The following ZDHHC19 variants were observed in gnomAD, a reference collection of about 807,000 sequenced individuals.
The protein encoded by ZDHHC19 is zDHHC palmitoyltransferase 19, also known as palmitoyltransferase ZDHHC19.
Under a neutral mutation model 33.9 loss-of-function variants are expected in ZDHHC19, and 30 were observed. That is an observed-to-expected ratio of 0.88 (90% CI 0.66 to 1.20). ZDHHC19 has a LOEUF of 1.20. Ranked by LOEUF, ZDHHC19 falls within the 50% of genes most tolerant of loss-of-function variation. ZDHHC19 has a pLI of 0.00. For synonymous variants in ZDHHC19, 178 were observed against 167.6 expected (o/e 1.06, Z -0.48); for missense variants, 364 against 401.1 (o/e 0.91, Z 0.79).
chr3:196,201,509 G>A lies in ZDHHC19; in HGVS notation c.688-2635C>T, dbSNP rs186096035. ...AGGCCAAGGCGGGTGGATCACTTGAGGCCAGGAGTTCGAGACCAGCCTGGC... is the reference window on the plus strand; with the variant it reads ...AGGCCAAGGCGGGTGGATCACTTGAAGCCAGGAGTTCGAGACCAGCCTGGC... On this transcript the variant is annotated intron_variant, in intron 5 of 7. Transcript: ENST00000296326. Among the ~76,000 whole-genome samples the A allele has an allele frequency of 7.4e-3, 1,126 of 151,970 alleles. 19 individuals are homozygous for A. Among genetic ancestry groups the A allele is most frequent in the African/African-American group, 0.026 (1,087 of 41,384 alleles).
At chr3:196,202,748 C>T (rs929365321) in intron 5 of ZDHHC19, among the ~76,000 whole-genome samples, 1 of 152,158 alleles carries the variant, frequency 6.6e-6, no homozygotes, top group Non-Finnish European at 1.5e-5. Flanking sequence ...TGGCTTTGGC[C>T]GCCTGGTGAG....
Position 196,211,160 on chromosome 3 carries a change from G to C in ZDHHC19, c.146+10C>G. On this transcript the variant is annotated intron_variant, in intron 1 of 7. Transcript: ENST00000296326. ...TGTGGGAAACCTAACGGCTTGCCTGGAAAACTCACGGGAATGCGAAGAAGA... is the reference window on the plus strand; with the variant it reads ...TGTGGGAAACCTAACGGCTTGCCTGCAAAACTCACGGGAATGCGAAGAAGA... 1 of 1,614,138 alleles carries C rather than the reference G, an allele frequency of 6.2e-7. No homozygotes were observed. The highest frequency in any genetic ancestry group is 8.5e-7 in the Non-Finnish European group (1 of 1,180,030).
intron 6 of ZDHHC19, 153 bp from the exon 7 acceptor site, chr3:196,198,604 T>TG: frequency 1.3e-6 from 2 of 1,547,804 alleles, no homozygotes; most frequent in Non-Finnish European, 1.7e-6. Flanking sequence ...TATGCCATAG[T>TG]GGGGCAGGAA....
chr3:196,205,375 T>A (rs1185445129), intron 5 of ZDHHC19, among the ~76,000 whole-genome samples: 1 of 152,156 alleles, frequency 6.6e-6, no homozygotes. Flanking sequence ...GAATGTATTG[T>A]GCTAAGTGAA....
chr3:196,209,081 G>T (rs1310222834), intron 3 of ZDHHC19: 3 of 379,076 alleles, frequency 7.9e-6, no homozygotes, highest in African/African-American at 2.1e-5. Flanking sequence ...TCTCGTGTTA[G>T]CGAGCCCAGG....
rs1243849515 is a variant in ZDHHC19, at chr3:196,211,033, G to A, written c.146+137C>T. ...CTTGACCTCTGCACCTTTGCACGTC[G>A]GTTCCCTCGAACAGAATATCCCCTT... On this transcript the variant is annotated intron_variant, in intron 1 of 7. Coordinates refer to ENST00000296326, the MANE Select transcript of ZDHHC19 (RefSeq NM_001039617.2). 2.6e-5 allele frequency: 37 copies of A among 1,425,230 alleles called. No individual in the cohort carries two copies. The South Asian group carries it at 3.0e-4, about 11-fold the overall frequency. The allele number at this position is 1,425,230 out of a possible 1,614,324, so 88.3% of individuals were successfully genotyped here. A position where few individuals can be genotyped will look rare whatever the true frequency, so the allele number is the denominator to read the frequency against.
At chr3:196,199,902 G>GCA (rs1560129557) in intron 5 of ZDHHC19, among the ~76,000 whole-genome samples, 2 of 151,898 alleles carry the variant, frequency 1.3e-5, no homozygotes, top group Non-Finnish European at 2.9e-5. Context: ...CCGAGATCAT[G>GCA]CCACTGCACT....
intron 5 of ZDHHC19, among the ~76,000 whole-genome samples, chr3:196,200,142 T>C (rs1722149179): frequency 6.6e-6 from 1 of 150,502 alleles, no homozygotes; most frequent in African/African-American, 2.5e-5. Context: ...GGCTGTGGCA[T>C]TGTGCACCTG....
At position 196,209,635 on chromosome 3, in the gene ZDHHC19, T is replaced by G. The variant is rs893508681; in HGVS notation, c.269-120A>C. 4 of 1,322,668 alleles carry G rather than the reference T, an allele frequency of 3.0e-6. No homozygotes were observed. The Admixed American group carries it at 9.6e-5, about 32-fold the overall frequency. 81.9% of individuals were successfully genotyped at this position (1,322,668 alleles called of 1,614,324 possible). On this transcript the variant is annotated intron_variant, in intron 2 of 7. Coordinates refer to ENST00000296326, the MANE Select transcript of ZDHHC19 (RefSeq NM_001039617.2). ...GGGACAAGGTGGGCAGGGGAACCCCTGTCCCCACTGAGCAAGCTGTCCAAG... is the reference window on the plus strand; with the variant it reads ...GGGACAAGGTGGGCAGGGGAACCCCGGTCCCCACTGAGCAAGCTGTCCAAG...
At chr3:196,210,284 AAG>A (rs1491482931) in intron 2 of ZDHHC19, among the ~76,000 whole-genome samples, 2 of 147,694 alleles carry the variant, frequency 1.4e-5, no homozygotes, top group African/African-American at 5.0e-5. Flanking sequence ...GAAAGAAAGA[AAG>A]AAGGAAGGAA....
rs1560132030 is a variant in ZDHHC19, at chr3:196,201,104, ACTGT to A, written c.688-2234_688-2231del. On this transcript the variant is annotated intron_variant, in intron 5 of 7. Transcript: ENST00000296326. ...TTTCTTTTTTTTGAGACGGAGTCTC[ACTGT>A]GTCGCCCAGGCTGGAGTGCAGTGGC... is the stretch of plus-strand genomic sequence containing the variant. Among the ~76,000 whole-genome samples, 5 of 150,556 alleles carry A rather than the reference ACTGT, an allele frequency of 3.3e-5. 1 individual carries two copies. Among genetic ancestry groups the A allele is most frequent in the African/African-American group, 1.2e-4 (5 of 40,694 alleles).
chr3:196,198,243 G>C (rs557051233), intron 7 of ZDHHC19, 33 bp downstream of exon 7: 9 of 1,442,216 alleles, frequency 6.2e-6, no homozygotes, highest in Non-Finnish European at 7.3e-6. Flanking sequence ...CTCCCGACAC[G>C]CACAGACACC....
rs1723027712 is a variant in ZDHHC19 at position 196,209,372 on chromosome 3, T to C, written c.408+4A>G. 1 of 1,594,206 alleles carries C rather than the reference T, an allele frequency of 6.3e-7. No individual in the cohort carries two copies. Among genetic ancestry groups the C allele is most frequent in the Non-Finnish European group, 8.5e-7 (1 of 1,171,090 alleles). ...GGCTGGTGGACAGGTAGAGGGGCACTCACCTCCACACAGATGTTGCACCAG... is the reference window on the plus strand; with the variant it reads ...GGCTGGTGGACAGGTAGAGGGGCACCCACCTCCACACAGATGTTGCACCAG... On this transcript the variant is annotated splice_donor_region_variant and intron_variant, in intron 3 of 7. Transcript: ENST00000296326.
At chr3:196,207,700 CCCT>C (rs1332404558) in intron 4 of ZDHHC19, among the ~76,000 whole-genome samples, 197 bp from the exon 5 acceptor site, 6 of 6,380 alleles carry the variant, frequency 9.4e-4, no homozygotes, top group African/African-American at 2.7e-3. Flanking sequence ...GGACGCCCGC[CCCT>C]CAGGCCCGAC....
intron 1 of ZDHHC19, 77 bp from the exon 2 acceptor site, chr3:196,210,814 T>C: frequency 1.3e-6 from 2 of 1,547,482 alleles, no homozygotes; most frequent in Non-Finnish European, 1.7e-6. Context: ...CTTGCTCAGG[T>C]CAGGACCCAC....
intron 5 of ZDHHC19, among the ~76,000 whole-genome samples, chr3:196,199,805 C>T (rs994967177): frequency 1.5e-4 from 22 of 151,156 alleles, no homozygotes; most frequent in Admixed American, 7.9e-4. Flanking sequence ...ATTAGCCAGG[C>T]GTGGTGGCGG....
rs748690705 is a variant in ZDHHC19 at position 196,209,491 on chromosome 3, G to T, written c.293C>A (p.Thr98Lys). ...GTGGTTCACCCACACCACGTGCACC[G>T]TCAAGGGGCCCTGCTCAGCGGAGCC... ...HQGSAEQGPL[T>K]VHVVWVNHGA... The change falls in exon 3 of 8, where the codon ACG becomes AAG. Residue 98 changes from threonine (T) to lysine (K), a missense_variant. Coordinates refer to ENST00000296326, the MANE Select transcript of ZDHHC19 (RefSeq NM_001039617.2). The T allele has an allele frequency of 6.2e-7, 1 of 1,612,984 alleles. No homozygotes were observed. The highest frequency in any genetic ancestry group is 2.2e-5 in the East Asian group (1 of 44,856).
Position 196,210,662 on chromosome 3 carries a change from G to A in ZDHHC19, c.222C>T (p.Phe74=), listed in dbSNP as rs750064079. Residue 74 remains phenylalanine (F), a synonymous_variant, in exon 2 of 8, where the codon TTC becomes TTT. Coordinates refer to ENST00000296326, the MANE Select transcript of ZDHHC19 (RefSeq NM_001039617.2). ...CTGAGAAGTTGAGTGAAACAAGACT[G>A]AAGAAGGTAAGGACAAAGAGGGAGC... is the stretch of plus-strand genomic sequence containing the variant. ...ITGSLFVLTF[F]SLVSLNFSDP... is the part of the protein sequence containing the mutation. 1 of 1,614,112 alleles carries A rather than the reference G, an allele frequency of 6.2e-7. No individual in the cohort carries two copies. Among genetic ancestry groups the A allele is most frequent in the Non-Finnish European group, 8.5e-7 (1 of 1,180,010 alleles).
intron 2 of ZDHHC19, 36 bp from the exon 3 acceptor site, chr3:196,209,551 C>G: frequency 6.2e-7 from 1 of 1,602,944 alleles, no homozygotes; most frequent in East Asian, 2.2e-5. Flanking sequence ...AGCAGAAGGC[C>G]CTGCGGTCAC....
Sources: gnomAD v4.1 joint callset for allele counts (sites outside exome capture counted in the v4.1 genomes callset) on GRCh38, gnomAD v4.1.1 for gene constraint, MANE v1.5 for transcripts, NCBI Gene and HGNC (gene_info 2026-07-23, HGNC 2026-07-21) for gene names.